Variants in RLF observed in about 807,000 individuals in gnomAD.
The protein encoded by RLF is RLF zinc finger.
In RLF, 7 loss-of-function variants were observed where a neutral mutation model predicts 162.9. The ratio of observed to expected loss-of-function variants is 0.04; its 90% CI spans 0.02 to 0.08. The LOEUF (loss-of-function observed/expected upper bound fraction) is 0.08, where lower values mean the gene tolerates loss of function less well. RLF is among the 10% of genes least tolerant of loss of function. The pLI, the probability that RLF is intolerant of heterozygous loss-of-function variation, is 1.00. For synonymous variants in RLF, 782 were observed against 791.5 expected (o/e 0.99, Z 0.20); for missense variants, 1,664 against 2,244.7 (o/e 0.74, Z 5.23).
At chr1:40,196,263 G>C (rs56135304) in intron 4 of RLF, among the ~76,000 whole-genome samples, 6,565 of 151,720 alleles carry the variant, frequency 0.043, 206 homozygotes, top group South Asian at 0.12. Flanking sequence ...TAGTAGAGAC[G>C]AGGCGTTACC....
intron 5 of RLF, among the ~76,000 whole-genome samples, chr1:40,219,439 A>T (rs1255762853): frequency 6.6e-6 from 1 of 151,722 alleles, no homozygotes; most frequent in Non-Finnish European, 1.5e-5. Context: ...ATATGAAAAA[A>T]CTCTGGCTTC....
chr1:40,172,661 G>T (rs1642261325), intron 1 of RLF, among the ~76,000 whole-genome samples: 1 of 152,128 alleles, frequency 6.6e-6, no homozygotes, highest in South Asian at 2.1e-4. Flanking sequence ...AGCTACTCTG[G>T]AGGCTGAGGC....
intron 1 of RLF, among the ~76,000 whole-genome samples, chr1:40,178,833 A>AT (rs1642368015): frequency 6.6e-6 from 1 of 150,706 alleles, no homozygotes. Flanking sequence ...CCTTATCACC[A>AT]TTTTTTATTT....
chr1:40,238,821 C>T lies in RLF; in HGVS notation c.4119C>T (p.Phe1373=). Residue 1373 remains phenylalanine (F), a synonymous_variant, in exon 8 of 8, where the codon TTC becomes TTT. Coordinates refer to ENST00000372771, the MANE Select transcript of RLF (RefSeq NM_012421.4). The surrounding 1 kb of genome is among the most constrained non-coding windows in gnomAD (Gnocchi z 5.2). ...AATATAAGGAATGTAATAAACGCTTCCTGTGTTCCAAAGCTCTTGCTAAGC... is the reference window on the plus strand; with the variant it reads ...AATATAAGGAATGTAATAAACGCTTTCTGTGTTCCAAAGCTCTTGCTAAGC... ...ACKYKECNKR[F]LCSKALAKHC... 1 of 1,613,862 alleles carries T rather than the reference C, an allele frequency of 6.2e-7. No individual in the cohort carries two copies. Among genetic ancestry groups the T allele is most frequent in the East Asian group, 2.2e-5 (1 of 44,878 alleles).
chr1:40,183,739 T>C (rs201917732), intron 1 of RLF, among the ~76,000 whole-genome samples: 1 of 151,426 alleles, frequency 6.6e-6, no homozygotes, highest in African/African-American at 2.4e-5. Context: ...TGTTTCCTCA[T>C]TTAAAAAAAA....
chr1:40,200,197 G>A (rs778590427), intron 4 of RLF, among the ~76,000 whole-genome samples: 3 of 152,192 alleles, frequency 2.0e-5, no homozygotes, highest in Non-Finnish European at 4.4e-5. Context: ...CAGAGTTGGA[G>A]CTCTGGAATC....
At chr1:40,234,266 C>G (rs1643189902) in intron 7 of RLF, among the ~76,000 whole-genome samples, 1 of 152,242 alleles carries the variant, frequency 6.6e-6, no homozygotes, top group East Asian at 1.9e-4. Flanking sequence ...CTTTTAAGTC[C>G]TTGCTCCTCT....
chr1:40,220,614 C>T (rs1308400648), intron 5 of RLF, among the ~76,000 whole-genome samples: 2 of 152,170 alleles, frequency 1.3e-5, no homozygotes, highest in African/African-American at 4.8e-5. Context: ...ACTGTGATAT[C>T]CATTAGGGCA....
At chr1:40,231,405 T>G in intron 6 of RLF, 112 bp from the exon 7 acceptor site, 1 of 835,380 alleles carries the variant, frequency 1.2e-6, no homozygotes, top group Non-Finnish European at 1.9e-6. Flanking sequence ...TTAATCTAGT[T>G]TTTGTTTTCT....
intron 5 of RLF, among the ~76,000 whole-genome samples, chr1:40,209,708 TCTACTAA>T (rs1642842652): frequency 1.3e-5 from 2 of 152,066 alleles, no homozygotes; most frequent in Non-Finnish European, 1.5e-5. Context: ...AAACCTTGTC[TCTACTAA>T]AGATACAAAA....
intron 1 of RLF, among the ~76,000 whole-genome samples, chr1:40,175,199 TGGGGG>T (rs1642303060): frequency 4.4e-5 from 1 of 22,914 alleles, no homozygotes; most frequent in Admixed American, 5.1e-4. Flanking sequence ...TCTGTTATGG[TGGGGG>T]TGGGGGGGGG....
In RLF at chr1:40,221,712, A is replaced by T. The variant is rs573727241; in HGVS notation, c.811-862A>T. 9.9e-5 allele frequency among the ~76,000 whole-genome samples: 15 copies of T among 151,960 alleles called. No homozygotes were observed. The East Asian group carries it at 1.7e-3, about 18-fold the overall frequency. ...TCTGGAGATTGAGACCATCCTGGCT[A>T]ACACAGTGAAACCCCGTCTCTACTA... On this transcript the variant is annotated intron_variant, in intron 5 of 7. Coordinates refer to ENST00000372771, the MANE Select transcript of RLF (RefSeq NM_012421.4).
intron 5 of RLF, among the ~76,000 whole-genome samples, chr1:40,217,238 G>C (rs968517492): frequency 2.6e-5 from 4 of 152,120 alleles, no homozygotes; most frequent in African/African-American, 4.8e-5. Flanking sequence ...GGCTTAGGTT[G>C]GGGGAACATT....
intron 1 of RLF, among the ~76,000 whole-genome samples, chr1:40,184,114 G>A (rs934035390): frequency 8.0e-4 from 121 of 152,150 alleles, no homozygotes; most frequent in African/African-American, 2.8e-3. Flanking sequence ...CTTTGAAAAT[G>A]TAGTCATGCT....
chr1:40,227,512 C>T (rs1377109894), intron 6 of RLF, among the ~76,000 whole-genome samples: 1 of 152,150 alleles, frequency 6.6e-6, no homozygotes, highest in Non-Finnish European at 1.5e-5. Context: ...AACATACTGG[C>T]TGTCGTGGTT....
At chr1:40,225,962 G>C (rs1461061534) in intron 6 of RLF, among the ~76,000 whole-genome samples, 1 of 150,580 alleles carries the variant, frequency 6.6e-6, no homozygotes, top group East Asian at 2.0e-4. Context: ...TGAGGCAGGA[G>C]AATCGCTTGA....
intron 5 of RLF, among the ~76,000 whole-genome samples, chr1:40,216,042 A>G (rs1426982943): frequency 6.6e-6 from 1 of 152,116 alleles, no homozygotes; most frequent in African/African-American, 2.4e-5. Flanking sequence ...AGACTGAACA[A>G]GAACAAAGAG....
At position 40,190,799 on chromosome 1, in the gene RLF, G is replaced by A. The variant is rs1239945354; in HGVS notation, c.420G>A (p.Val140=). Residue 140 remains valine (V), a synonymous_variant, in exon 3 of 8, where the codon GTG becomes GTA. Coordinates refer to ENST00000372771, the MANE Select transcript of RLF (RefSeq NM_012421.4). The stretch of plus-strand genomic sequence containing the variant: ...GTTGTTTCGAATTACTGCTTTCAGT[G>A]TCTGAAAGTGAACTGCCATGTGAAG... ...VLSCFELLLS[V]SESELPCEVW... 1 of 1,611,694 alleles carries A rather than the reference G, an allele frequency of 6.2e-7. No homozygotes were observed. Among genetic ancestry groups the A allele is most frequent in the Non-Finnish European group, 8.5e-7 (1 of 1,178,390 alleles).
intron 1 of RLF, among the ~76,000 whole-genome samples, chr1:40,174,189 G>A (rs969354079): frequency 1.3e-5 from 2 of 152,062 alleles, no homozygotes; most frequent in Non-Finnish European, 2.9e-5. Flanking sequence ...TGGCCAAGAT[G>A]GTAAAACCCT....
Sources: gnomAD v4.1 joint callset for allele counts (sites outside exome capture counted in the v4.1 genomes callset) on GRCh38, gnomAD v4.1.1 for gene constraint, Gnocchi (gnomAD v3.1) non-coding constraint, MANE v1.5 for transcripts, NCBI Gene and HGNC (gene_info 2026-07-23, HGNC 2026-07-21) for gene names.